Variants in CHMP1A observed in about 807,000 individuals in gnomAD.
The protein encoded by CHMP1A is VPS46 homolog A.
In CHMP1A, 17 loss-of-function variants were observed where a neutral mutation model predicts 27.0. The observed-to-expected ratio is 0.63, with a 90% confidence interval of 0.43 to 0.95. CHMP1A has a LOEUF of 0.95. CHMP1A is among the 40% of genes least tolerant of loss of function. The probability of loss-of-function intolerance (pLI) is 0.00; values close to 1 mark genes in which losing one functional copy is unlikely to be tolerated. For missense variants in CHMP1A, 275 were observed against 264.0 expected (o/e 1.04, Z -0.29); for synonymous variants, 131 against 107.5 (o/e 1.22, Z -1.35).
rs935009687 is a variant in CHMP1A at position 89,657,472 on chromosome 16, C to T, written c.7+110G>A. On this transcript the variant is annotated intron_variant, in intron 1 of 6. Transcript: ENST00000397901. ...TCCCGGGGGATCGACGGTCGAGGCC[C>T]GAGCTCTCCTGAGTCCTGCCCGCGG... 4.3e-6 allele frequency: 6 copies of T among 1,394,454 alleles called. No homozygotes were observed. The East Asian group carries it at 1.0e-4, about 24-fold the overall frequency. 86.4% of individuals were successfully genotyped at this position (1,394,454 alleles called of 1,614,324 possible). A position where few individuals can be genotyped will look rare whatever the true frequency, so the allele number is the denominator to read the frequency against.
intron 4 of CHMP1A, among the ~76,000 whole-genome samples, chr16:89,648,710 G>C (rs533226702): frequency 7.8e-6 from 1 of 127,970 alleles, no homozygotes; most frequent in Non-Finnish European, 1.7e-5. Flanking sequence ...GGCCAACATA[G>C]ACACCCTGTC....
chr16:89,653,020 C>CTTTTCTTTTTT lies in CHMP1A; in HGVS notation c.27+883_27+884insAAAAAAGAAAA, dbSNP rs1266826642. Among the ~76,000 whole-genome samples the CTTTTCTTTTTT allele has an allele frequency of 3.2e-4, 26 of 82,194 alleles. No individual in the cohort carries two copies. The East Asian group carries it at 0.01, about 32-fold the overall frequency. The allele number at this position is 82,194 out of a possible 152,430, so 53.9% of individuals were successfully genotyped here. ...AAGTTGTCTTTTTTTTTTTTCTTTTCTTTTTTTTTTTTTTTTTTTGAGACG... is the reference window on the plus strand; with the variant it reads ...AAGTTGTCTTTTTTTTTTTTCTTTTCTTTTCTTTTTTTTTTTTTTTTTTTTTTTTTGAGACG... On this transcript the variant is annotated intron_variant, in intron 2 of 6. Coordinates refer to ENST00000397901, the MANE Select transcript of CHMP1A (RefSeq NM_002768.5).
chr16:89,654,254 G>A (rs951473500), intron 1 of CHMP1A, among the ~76,000 whole-genome samples: 3 of 152,204 alleles, frequency 2.0e-5, no homozygotes, highest in Non-Finnish European at 4.4e-5. Context: ...TTTTGGCCAT[G>A]GTTAGAATCC....
At chr16:89,649,627 G>A (rs2059808527) in intron 3 of CHMP1A, 130 bp from the exon 4 acceptor site, 4 of 1,096,112 alleles carry the variant, frequency 3.6e-6, no homozygotes, top group Middle Eastern at 2.1e-4. Context: ...CCAGGCTGGA[G>A]TGCAGTGGCA....
chr16:89,646,195 A>C (rs1597784180), intron 6 of CHMP1A, 108 bp from the exon 7 acceptor site: 1 of 1,020,628 alleles, frequency 9.8e-7, no homozygotes, highest in Non-Finnish European at 1.4e-6. Context: ...CTGAGATAAC[A>C]TGAGTGACAG....
In CHMP1A at chr16:89,646,725, G is replaced by A. The variant is rs1317480357; in HGVS notation, c.382-11C>T. ...GGAGTCCTCCATCACCTGGGGGCAGGGGCATGCTCTGGACAACAGGTGGGG... is the reference window on the plus strand; with the variant it reads ...GGAGTCCTCCATCACCTGGGGGCAGAGGCATGCTCTGGACAACAGGTGGGG... On this transcript the variant is annotated splice_polypyrimidine_tract_variant and intron_variant, in intron 5 of 6. Coordinates refer to ENST00000397901, the MANE Select transcript of CHMP1A (RefSeq NM_002768.5). The A allele has an allele frequency of 1.2e-6, 2 of 1,606,138 alleles. No homozygotes were observed. Among genetic ancestry groups the A allele is most frequent in the Non-Finnish European group, 8.5e-7 (1 of 1,177,110 alleles).
chr16:89,649,614 T>G, intron 3 of CHMP1A, 117 bp from the exon 4 acceptor site: 1 of 1,290,976 alleles, frequency 7.7e-7, no homozygotes, highest in East Asian at 2.6e-5. Flanking sequence ...CTTGCTCTGT[T>G]GCCCAGGCTG....
intron 5 of CHMP1A, 187 bp from the exon 6 acceptor site, chr16:89,646,901 C>G: frequency 1.3e-6 from 1 of 741,994 alleles, no homozygotes. Flanking sequence ...CACCCAGCCC[C>G]ACCCTCTGAC....
chr16:89,649,702 A>G (rs964530186), intron 3 of CHMP1A: 46 of 570,716 alleles, frequency 8.1e-5, no homozygotes, highest in Non-Finnish European at 1.1e-4. Context: ...CAGCCTCCCG[A>G]GTAGTTGGGA....
chr16:89,657,487 C>G (rs1219274775), intron 1 of CHMP1A, 95 bp downstream of exon 1: 1 of 1,519,278 alleles, frequency 6.6e-7, no homozygotes, highest in Non-Finnish European at 9.0e-7. Flanking sequence ...TCTCCTGAGT[C>G]CTGCCCGCGG....
At chr16:89,646,206 G>A (rs1209704962) in intron 6 of CHMP1A, 119 bp from the exon 7 acceptor site, 1 of 957,164 alleles carries the variant, frequency 1.0e-6, no homozygotes, top group South Asian at 1.7e-5. Flanking sequence ...TGAGTGACAG[G>A]CCTTGGAAAC....
chr16:89,649,094 G>A (rs2059804034), intron 4 of CHMP1A: 2 of 490,722 alleles, frequency 4.1e-6, no homozygotes, highest in Non-Finnish European at 7.0e-6. Flanking sequence ...ATCAGTGCAA[G>A]CTCAGGGTGC....
In CHMP1A at chr16:89,653,913, G is replaced by C; in HGVS notation, c.18C>G (p.Phe6Leu). 1.2e-6 allele frequency: 2 copies of C among 1,613,672 alleles called. No homozygotes were observed. Among genetic ancestry groups the C allele is most frequent in the Non-Finnish European group, 8.5e-7 (1 of 1,179,712 alleles). The change falls in exon 2 of 7, where the codon TTC (phenylalanine) becomes TTG (leucine). Residue 6 changes from phenylalanine (F) to leucine (L), a missense_variant. Phe to Leu is a conservative substitution (Grantham distance 22). Coordinates refer to ENST00000397901, the MANE Select transcript of CHMP1A (RefSeq NM_002768.5). ...GCCATTCGGTACATACCTTCAACTGGAACAGGGTATCTGCAAAGAAAGAGG... is the reference window on the plus strand; with the variant it reads ...GCCATTCGGTACATACCTTCAACTGCAACAGGGTATCTGCAAAGAAAGAGG... The part of the protein sequence containing the change: MDDTL[F>L]QLKFTAKQLE...
intron 1 of CHMP1A, among the ~76,000 whole-genome samples, chr16:89,654,558 C>A (rs532792320): frequency 2.0e-5 from 3 of 152,190 alleles, no homozygotes; most frequent in African/African-American, 7.2e-5. Flanking sequence ...AATCACAGCA[C>A]TCTGGGAGGC....
intron 4 of CHMP1A, among the ~76,000 whole-genome samples, chr16:89,648,380 G>A (rs2059795853): frequency 8.8e-6 from 1 of 114,124 alleles, no homozygotes; most frequent in Non-Finnish European, 1.9e-5. Context: ...CGCGGGGTCG[G>A]TGGAGAAAAG....
Position 89,645,818 on chromosome 16 carries a change from G to T in CHMP1A, c.*248C>A. 7.8e-7 allele frequency: 1 copy of T among 1,279,534 alleles called. No homozygotes were observed. Among genetic ancestry groups the T allele is most frequent in the Non-Finnish European group, 1.1e-6 (1 of 943,462 alleles). 79.3% of individuals were successfully genotyped at this position (1,279,534 alleles called of 1,614,324 possible). ...CAGGGCCCCTCTTGGCCTCCCCGCT[G>T]TGGGCCCAGAGTCACAGAAATCACC... On this transcript the variant is annotated 3_prime_UTR_variant, in exon 7 of 7. Transcript: ENST00000397901.
Position 89,646,893 on chromosome 16 carries a change from C to T in CHMP1A, c.382-179G>A. On this transcript the variant is annotated intron_variant, in intron 5 of 6. Transcript: ENST00000397901. ...ACCAGGAGCCTTTCCTGCCCCCCCA[C>T]CCAGCCCCACCCTCTGACTGTGCCA... 4.3e-6 allele frequency: 3 copies of T among 697,670 alleles called. No individual in the cohort carries two copies. In the Admixed American group the frequency reaches 6.9e-5, roughly 16 times the overall value. The allele number at this position is 697,670 out of a possible 1,614,324, so 43.2% of individuals were successfully genotyped here.
chr16:89,657,128 G>C (rs2059884706), intron 1 of CHMP1A, among the ~76,000 whole-genome samples: 1 of 144,610 alleles, frequency 6.9e-6, no homozygotes, highest in Admixed American at 6.8e-5. Context: ...CTCGGGTTGG[G>C]GGTCGGGGGC....
At position 89,647,229 on chromosome 16, in the gene CHMP1A, C is replaced by T. The variant is rs780181444; in HGVS notation, c.355G>A (p.Val119Met). ...GATGTATGGACGTCCAGGTTCTGCA[C>T]CTGCTGCTCGAACCTGTCCATCACT... ...SSVMDRFEQQVQNLDVHTSVM... is the reference protein window; with the variant it reads ...SSVMDRFEQQMQNLDVHTSVM... Residue 119 changes from valine to methionine, a missense_variant, in exon 5 of 7, where the codon GTG (valine) becomes ATG (methionine). Val to Met is a conservative substitution (Grantham distance 21). Transcript: ENST00000397901. 1.9e-6 allele frequency: 3 copies of T among 1,609,288 alleles called. No homozygotes were observed. The highest frequency in any genetic ancestry group is 2.5e-6 in the Non-Finnish European group (3 of 1,178,268).
Sources: gnomAD v4.1 joint callset for allele counts (sites outside exome capture counted in the v4.1 genomes callset) on GRCh38, gnomAD v4.1.1 for gene constraint, MANE v1.5 for transcripts, NCBI Gene and HGNC (gene_info 2026-07-23, HGNC 2026-07-21) for gene names.